The following VKORC1L1 variants were observed in gnomAD, a reference collection of about 807,000 sequenced individuals.
The protein encoded by VKORC1L1 is vitamin K epoxide reductase complex subunit 1L1.
A neutral mutation model predicts 18.9 loss-of-function variants in VKORC1L1; 2 were observed. The ratio of observed to expected loss-of-function variants is 0.11; its 90% CI spans 0.04 to 0.33. VKORC1L1 has a LOEUF of 0.33. Among genes scored for constraint, VKORC1L1 ranks in the 10% least tolerant of loss-of-function variants. The probability of loss-of-function intolerance (pLI) is 1.00; values close to 1 mark genes in which losing one functional copy is unlikely to be tolerated. For missense variants in VKORC1L1, 123 were observed against 224.1 expected (o/e 0.55, Z 2.88); for synonymous variants, 96 against 100.0 (o/e 0.96, Z 0.24).
chr7:65,883,877 T>TTACG (rs1264650512), intron 1 of VKORC1L1, among the ~76,000 whole-genome samples: 7 of 152,222 alleles, frequency 4.6e-5, no homozygotes, highest in Non-Finnish European at 1.5e-5. Flanking sequence ...AGCTATTGAA[T>TTACG]TACGATTCAT....
chr7:65,912,402 T>G (rs138895077), intron 1 of VKORC1L1, among the ~76,000 whole-genome samples: 40 of 152,374 alleles, frequency 2.6e-4, no homozygotes, highest in African/African-American at 9.6e-4. Context: ...CTCACAGTGT[T>G]GACAGCTGAT....
At chr7:65,901,501 T>C (rs1789316652) in intron 1 of VKORC1L1, among the ~76,000 whole-genome samples, 1 of 152,172 alleles carries the variant, frequency 6.6e-6, no homozygotes, top group Non-Finnish European at 1.5e-5. Context: ...TTGTAGGCAT[T>C]GGGTAACAGG....
At chr7:65,884,917 T>A (rs756721077) in intron 1 of VKORC1L1, among the ~76,000 whole-genome samples, 25 of 152,220 alleles carry the variant, frequency 1.6e-4, no homozygotes, top group Non-Finnish European at 1.3e-4. Context: ...GTGTTTCTTC[T>A]CCTGCCTGGA....
chr7:65,910,052 G>T (rs868649459), intron 1 of VKORC1L1, among the ~76,000 whole-genome samples: 1 of 151,966 alleles, frequency 6.6e-6, no homozygotes, highest in Admixed American at 6.6e-5. Context: ...TTGTTAAAAA[G>T]CCTGTTGCTT....
chr7:65,882,045 A>G (rs1788936988), intron 1 of VKORC1L1, among the ~76,000 whole-genome samples: 1 of 151,176 alleles, frequency 6.6e-6, no homozygotes, highest in Non-Finnish European at 1.5e-5. Context: ...ATGCCACTGC[A>G]CTCCAGCCTG....
chr7:65,892,826 T>C (rs1431529174), intron 1 of VKORC1L1, among the ~76,000 whole-genome samples: 1 of 152,242 alleles, frequency 6.6e-6, no homozygotes, highest in Non-Finnish European at 1.5e-5. Flanking sequence ...CTATTCCTGT[T>C]TGTCCTCTCC....
chr7:65,871,058 G>A (rs1031209722), upstream of VKORC1L1, among the ~76,000 whole-genome samples: 13 of 152,208 alleles, frequency 8.5e-5, no homozygotes, highest in Non-Finnish European at 1.8e-4. Context: ...AGTGTTGTGA[G>A]CCACCCCACC....
intron 1 of VKORC1L1, among the ~76,000 whole-genome samples, chr7:65,926,986 G>A (rs937122092): frequency 1.3e-5 from 2 of 152,064 alleles, no homozygotes; most frequent in Admixed American, 6.6e-5. Context: ...AAAGGTGAGG[G>A]ATAATACACA....
At chr7:65,879,811 CTTTTTCTTTCCTTTCCTTTT>C (rs1448249435) in intron 1 of VKORC1L1, among the ~76,000 whole-genome samples, 1 of 143,534 alleles carries the variant, frequency 7.0e-6, no homozygotes, top group African/African-American at 2.6e-5. Context: ...CTTTCCTTTT[CTTTTTCTTTCCTTTCCTTTT>C]TTTTTCTTTC....
intron 1 of VKORC1L1, among the ~76,000 whole-genome samples, chr7:65,943,088 C>T (rs992851508): frequency 1.3e-5 from 2 of 152,052 alleles, no homozygotes; most frequent in African/African-American, 4.8e-5. Flanking sequence ...GTTTAGCATA[C>T]AGTGCTAGAT....
At chr7:65,932,982 G>T (rs964640716) in intron 1 of VKORC1L1, among the ~76,000 whole-genome samples, 1 of 151,606 alleles carries the variant, frequency 6.6e-6, no homozygotes, top group Non-Finnish European at 1.5e-5. Flanking sequence ...GGAGGCTGAG[G>T]CAGGAGAATT....
chr7:65,871,384 C>T (rs548667171), upstream of VKORC1L1, among the ~76,000 whole-genome samples: 28 of 152,058 alleles, frequency 1.8e-4, no homozygotes, highest in South Asian at 1.0e-3. Flanking sequence ...TTAGTAGAGA[C>T]GGGGTTTCAC....
intron 1 of VKORC1L1, among the ~76,000 whole-genome samples, chr7:65,883,290 T>C (rs1788958864): frequency 6.6e-6 from 1 of 151,722 alleles, no homozygotes; most frequent in Non-Finnish European, 1.5e-5. Context: ...TACAGGCATG[T>C]GCCACCATGC....
At chr7:65,929,274 G>A (rs914443928) in intron 1 of VKORC1L1, among the ~76,000 whole-genome samples, 2 of 152,108 alleles carry the variant, frequency 1.3e-5, no homozygotes, top group African/African-American at 4.8e-5. Flanking sequence ...TTAGCTGGGT[G>A]TGGTGGGAGG....
At chr7:65,934,974 A>C (rs1789917188) in intron 1 of VKORC1L1, among the ~76,000 whole-genome samples, 1 of 151,460 alleles carries the variant, frequency 6.6e-6, no homozygotes, top group South Asian at 2.1e-4. Flanking sequence ...GAATCACTTG[A>C]ACCCGGGAGG....
At chr7:65,890,026 C>T (rs1789084698) in intron 1 of VKORC1L1, among the ~76,000 whole-genome samples, 1 of 152,012 alleles carries the variant, frequency 6.6e-6, no homozygotes, top group Admixed American at 6.6e-5. Context: ...GGCATGATCT[C>T]AGCTCACTGC....
At chr7:65,909,186 G>A (rs1292874892) in intron 1 of VKORC1L1, among the ~76,000 whole-genome samples, 1 of 136,288 alleles carries the variant, frequency 7.3e-6, no homozygotes, top group South Asian at 2.4e-4. Context: ...GTTTTGCCAT[G>A]TTAGCCAGGC....
At chr7:65,889,512 C>T (rs1434304818) in intron 1 of VKORC1L1, among the ~76,000 whole-genome samples, 5 of 152,200 alleles carry the variant, frequency 3.3e-5, no homozygotes, top group Non-Finnish European at 7.3e-5. Flanking sequence ...GATTGTTTTT[C>T]ACGTTCTTTT....
the VKORC1L1 span, among the ~76,000 whole-genome samples, chr7:65,866,272 T>C: frequency 6.6e-6 from 1 of 152,162 alleles, no homozygotes; most frequent in Admixed American, 6.5e-5. Context: ...CACCAGGAAG[T>C]GAGCATCTTG....
Sources: gnomAD v4.1 joint callset for allele counts (sites outside exome capture counted in the v4.1 genomes callset) on GRCh38, gnomAD v4.1.1 for gene constraint, MANE v1.5 for transcripts, NCBI Gene and HGNC (gene_info 2026-07-23, HGNC 2026-07-21) for gene names.